Variants in TTC21B observed in about 807,000 individuals in gnomAD.
TTC21B encodes the protein tetratricopeptide repeat domain 21B, also known as tetratricopeptide repeat protein 21B.
A neutral mutation model predicts 175.1 loss-of-function variants in TTC21B; 127 were observed. That is an observed-to-expected ratio of 0.73 (90% CI 0.63 to 0.84). The LOEUF (loss-of-function observed/expected upper bound fraction) is 0.84, where lower values mean the gene tolerates loss of function less well. TTC21B is among the 40% of genes least tolerant of loss of function. The pLI, the probability that TTC21B is intolerant of heterozygous loss-of-function variation, is 0.00. For missense variants in TTC21B, 1,561 were observed against 1,558.3 expected (o/e 1.00, Z -0.03); for synonymous variants, 524 against 524.5 (o/e 1.00, Z 0.01).
chr2:165,907,828 A>C, intron 18 of TTC21B, 44 bp from the exon 19 acceptor site: 2 of 1,316,754 alleles, frequency 1.5e-6, no homozygotes, highest in South Asian at 1.2e-5. Flanking sequence ...TTCATCTTAA[A>C]TAAATGTTTA....
At chr2:165,932,285 T>G (rs1002823138) in intron 7 of TTC21B, among the ~76,000 whole-genome samples, 1 of 152,152 alleles carries the variant, frequency 6.6e-6, no homozygotes, top group African/African-American at 2.4e-5. Context: ...GAAAAATCAT[T>G]ACAGTACTTA....
At chr2:165,933,192 G>C (rs1200208730) in intron 6 of TTC21B, 135 bp from the exon 7 acceptor site, 1 of 655,020 alleles carries the variant, frequency 1.5e-6, no homozygotes, top group African/African-American at 1.8e-5. Flanking sequence ...AATGTCATCT[G>C]CTTTGTGAAA....
At chr2:165,874,854 C>A (rs763820126) in intron 28 of TTC21B, 22 bp from the exon 29 acceptor site, 24 of 1,608,120 alleles carry the variant, frequency 1.5e-5, no homozygotes, top group Non-Finnish European at 2.0e-5. Flanking sequence ...ATAAAGAACC[C>A]ATAAAAACTT....
At chr2:165,885,451 G>C (rs760125315) in intron 25 of TTC21B, among the ~76,000 whole-genome samples, 9 of 152,144 alleles carry the variant, frequency 5.9e-5, no homozygotes, top group Non-Finnish European at 1.3e-4. Flanking sequence ...CTAGGTAAGG[G>C]GTGGCAAAAT....
At chr2:165,906,063 T>C (rs1041967486) in intron 19 of TTC21B, among the ~76,000 whole-genome samples, 3 of 152,092 alleles carry the variant, frequency 2.0e-5, no homozygotes, top group African/African-American at 4.8e-5. Flanking sequence ...AAAAATTCAA[T>C]GTTACACTTT....
Position 165,874,811 on chromosome 2 carries a change from A to T in TTC21B, c.3895T>A (p.Tyr1299Asn). Residue 1299 changes from tyrosine (Y) to asparagine (N), a missense_variant, in exon 29 of 29, where the codon TAT (tyrosine) becomes AAT (asparagine). Coordinates refer to ENST00000243344, the MANE Select transcript of TTC21B (RefSeq NM_024753.5). ...CHQVLEAHPT[Y>N]PKIRKDILDK... ...AGTATATCCTTTCTGATTTTTGGAT[A>T]AGTTGGATGTGCTTCAAGAACCTGC... is the stretch of plus-strand genomic sequence containing the variant. The T allele has an allele frequency of 1.2e-6, 2 of 1,613,752 alleles. No individual in the cohort carries two copies. The highest frequency in any genetic ancestry group is 1.7e-6 in the Non-Finnish European group (2 of 1,179,804).
chr2:165,894,158 ATGTGTTAGCTAGCTATC>A, intron 22 of TTC21B, among the ~76,000 whole-genome samples: 1 of 152,220 alleles, frequency 6.6e-6, no homozygotes, highest in Middle Eastern at 3.4e-3. Flanking sequence ...GACAGACTGG[ATGTGTTAGCTAGCTATC>A]AAGCAAACAG....
intron 25 of TTC21B, among the ~76,000 whole-genome samples, chr2:165,884,533 CTT>C (rs1684944165): frequency 6.6e-6 from 1 of 152,118 alleles, no homozygotes; most frequent in African/African-American, 2.4e-5. Flanking sequence ...CCAAAAACCT[CTT>C]CTCCCAATAA....
chr2:165,934,860 A>T (rs989533698), intron 6 of TTC21B: 12 of 152,160 alleles, frequency 7.9e-5, no homozygotes, highest in Non-Finnish European at 1.5e-4. Flanking sequence ...GCAATTTGGC[A>T]GTGCCTATCA....
rs529123534 is a variant in TTC21B, at chr2:165,880,666, T to C, written c.3805+13A>G. ...ATTTTTCTGTGAAAAATCTAGGTGA[T>C]TGCCAAACTCACCTACTGCCGGATT... On this transcript the variant is annotated intron_variant, in intron 27 of 28. Transcript: ENST00000243344. The C allele has an allele frequency of 3.2e-5, 52 of 1,613,278 alleles. No individual in the cohort carries two copies. The Admixed American group carries it at 3.5e-4, about 11-fold the overall frequency.
intron 6 of TTC21B, chr2:165,934,632 G>C (rs1431687293): frequency 6.9e-6 from 1 of 144,318 alleles, no homozygotes; most frequent in Admixed American, 7.0e-5. Flanking sequence ...TTTAGAACCA[G>C]TTATATACCA....
At chr2:165,913,718 A>G (rs1208134095) in intron 15 of TTC21B, 72 bp from the exon 16 acceptor site, 2 of 1,302,214 alleles carry the variant, frequency 1.5e-6, no homozygotes, top group Non-Finnish European at 2.2e-6. Flanking sequence ...ATAAAATAAA[A>G]AATAAGCTCC....
In TTC21B at chr2:165,874,678, C is replaced by A. The variant is rs1312038285; in HGVS notation, c.*77G>T. The A allele has an allele frequency of 7.3e-7, 1 of 1,372,826 alleles. No homozygotes were observed. The highest frequency in any genetic ancestry group is 1.4e-5 in the African/African-American group (1 of 70,136). The allele number at this position is 1,372,826 out of a possible 1,614,324, so 85.0% of individuals were successfully genotyped here. A position where few individuals can be genotyped will look rare whatever the true frequency, so the allele number is the denominator to read the frequency against. Reference sequence around the variant, plus strand: ...CTAATAACAAAGCACTGAGCTCAAACCTGTTTTGAACAGGAAGAACTGAAA... The same window carrying A: ...CTAATAACAAAGCACTGAGCTCAAAACTGTTTTGAACAGGAAGAACTGAAA... On this transcript the variant is annotated 3_prime_UTR_variant, in exon 29 of 29. Transcript: ENST00000243344.
chr2:165,918,442 C>A (rs924794221), intron 13 of TTC21B, among the ~76,000 whole-genome samples: 52 of 152,218 alleles, frequency 3.4e-4, no homozygotes, highest in African/African-American at 1.2e-3. Flanking sequence ...CTACAGGCAC[C>A]CGCCACCACG....
rs772254395 is a variant in TTC21B at position 165,899,778 on chromosome 2, C to T, written c.2860G>A (p.Ala954Thr). Residue 954 changes from alanine to threonine, a missense_variant, in exon 21 of 29, where the codon GCT becomes ACT. Transcript: ENST00000243344. ...LLQSDQDNEA[A>T]TMMMADLMFR... ...AAGTTCCTTGGACTGACCATGGTAG[C>T]AGCTTCGTTATCCTGGTCACTCTGA... 2.5e-6 allele frequency: 4 copies of T among 1,610,326 alleles called. No individual in the cohort carries two copies. The highest frequency in any genetic ancestry group is 1.7e-6 in the Non-Finnish European group (2 of 1,176,576).
At chr2:165,923,364 T>G (rs907434119) in intron 12 of TTC21B, among the ~76,000 whole-genome samples, 3 of 152,140 alleles carry the variant, frequency 2.0e-5, no homozygotes, top group Non-Finnish European at 2.9e-5. Flanking sequence ...TTTCTGCTCT[T>G]AACAGTTTTA....
rs1233132332 is a variant in TTC21B at position 165,873,991 on chromosome 2, A to G, written c.*764T>C. 2 of 151,956 alleles carry G rather than the reference A, an allele frequency of 1.3e-5. No homozygotes were observed. The highest frequency in any genetic ancestry group is 6.5e-5 in the Admixed American group (1 of 15,272). 9.4% of individuals were successfully genotyped at this position (151,956 alleles called of 1,614,324 possible). Reference sequence around the variant, plus strand: ...TAAAATATATATTTAAAATATATATATTGTCTTTTTCATGAGTTATTTACA... The same window carrying G: ...TAAAATATATATTTAAAATATATATGTTGTCTTTTTCATGAGTTATTTACA... On this transcript the variant is annotated 3_prime_UTR_variant, in exon 29 of 29. Coordinates refer to ENST00000243344, the MANE Select transcript of TTC21B (RefSeq NM_024753.5).
intron 22 of TTC21B, among the ~76,000 whole-genome samples, chr2:165,892,789 C>T (rs572706863): frequency 9.5e-4 from 144 of 152,242 alleles, no homozygotes; most frequent in Middle Eastern, 3.4e-3. Flanking sequence ...TGATGGATAA[C>T]GGTGATGACT....
At chr2:165,953,271 C>T (rs184809921) in intron 1 of TTC21B, among the ~76,000 whole-genome samples, 87 of 152,332 alleles carry the variant, frequency 5.7e-4, no homozygotes, top group Admixed American at 1.6e-3. Flanking sequence ...AGTCTTACGT[C>T]TTTAATGGGT....
Sources: allele counts gnomAD v4.1 joint callset (sites outside exome capture counted in the v4.1 genomes callset), GRCh38; gene constraint gnomAD v4.1.1; transcripts MANE v1.5; gene names NCBI Gene and HGNC (gene_info 2026-07-23, HGNC 2026-07-21).